Variants in UBE2R2 observed in about 807,000 individuals in gnomAD.
UBE2R2 encodes the protein ubiquitin conjugating enzyme E2 R2.
Under a neutral mutation model 27.8 loss-of-function variants are expected in UBE2R2, and 1 was observed. That is an observed-to-expected ratio of 0.04 (90% CI 0.01 to 0.17). The LOEUF (loss-of-function observed/expected upper bound fraction) is 0.17. Ranked by LOEUF, UBE2R2 falls within the 10% of genes least tolerant of loss-of-function variation. UBE2R2 has a pLI of 1.00. For synonymous variants in UBE2R2, 106 were observed against 113.3 expected (o/e 0.94, Z 0.41); for missense variants, 100 against 291.0 (o/e 0.34, Z 4.78).
rs577788313 is a variant in UBE2R2 at position 33,863,788 on chromosome 9, A to G, written c.178-23093A>G. Among the ~76,000 whole-genome samples, 5 of 152,110 alleles carry G rather than the reference A, an allele frequency of 3.3e-5. No individual in the cohort carries two copies. In the East Asian group the frequency reaches 7.8e-4, roughly 24 times the overall value. ...CTGCATCCTCCGCCTCTCGGATTCA[A>G]TGGATTCTCCTGCCTCAGCCTCCTG... is the stretch of plus-strand genomic sequence containing the variant. On this transcript the variant is annotated intron_variant, in intron 1 of 4. Coordinates refer to ENST00000263228, the MANE Select transcript of UBE2R2 (RefSeq NM_017811.4).
chr9:33,863,533 A>C lies in UBE2R2; in HGVS notation c.178-23348A>C, dbSNP rs139370091. 2.5e-3 allele frequency among the ~76,000 whole-genome samples: 386 copies of C among 152,240 alleles called. 3 individuals are homozygous for C. Among genetic ancestry groups the C allele is most frequent in the East Asian group, 0.023 (120 of 5,176 alleles). On this transcript the variant is annotated intron_variant, in intron 1 of 4. Coordinates refer to ENST00000263228, the MANE Select transcript of UBE2R2 (RefSeq NM_017811.4). ...GAAACTCCATCTCCAAAAAACAAAA[A>C]AAAAAAAAGTGCATGGTAGATTTAG...
At chr9:33,832,515 C>A (rs951814967) in intron 1 of UBE2R2, among the ~76,000 whole-genome samples, 20 of 151,538 alleles carry the variant, frequency 1.3e-4, no homozygotes, top group Admixed American at 1.3e-3. Flanking sequence ...AAATTAGCTG[C>A]GCTTCGCGGC....
intron 1 of UBE2R2, among the ~76,000 whole-genome samples, chr9:33,859,797 T>TGA (rs1250357067): frequency 4.0e-4 from 31 of 78,404 alleles, no homozygotes; most frequent in African/African-American, 1.3e-3. Context: ...TGTGTGTGTG[T>TGA]GTGAGAGAGA....
At position 33,893,943 on chromosome 9, in the gene UBE2R2, CTTCT is replaced by C. The variant is rs1359674037; in HGVS notation, c.265-6228_265-6225del. Among the ~76,000 whole-genome samples, 4 of 151,834 alleles carry C rather than the reference CTTCT, an allele frequency of 2.6e-5. No homozygotes were observed. In the East Asian group the frequency reaches 5.8e-4, roughly 22 times the overall value. On this transcript the variant is annotated intron_variant, in intron 2 of 4. Coordinates refer to ENST00000263228, the MANE Select transcript of UBE2R2 (RefSeq NM_017811.4). ...ACTGTGCCCAGCTGACTTTTTCTTCCTTCTTTTTTCTTTTTTTTTAAACCCATTT... is the reference window on the plus strand; with the variant it reads ...ACTGTGCCCAGCTGACTTTTTCTTCCTTTTTCTTTTTTTTTAAACCCATTT...
At chr9:33,916,893 C>T in intron 4 of UBE2R2, 125 bp from the exon 5 acceptor site, 5 of 1,413,938 alleles carry the variant, frequency 3.5e-6, no homozygotes, top group Non-Finnish European at 4.7e-6. Flanking sequence ...CTGTCAGATG[C>T]TTTCAGGCAG....
intron 1 of UBE2R2, among the ~76,000 whole-genome samples, chr9:33,866,958 G>A (rs73645562): frequency 1.7e-3 from 265 of 152,136 alleles, no homozygotes; most frequent in African/African-American, 3.2e-3. Flanking sequence ...GAAGTTCTTG[G>A]TTTTAATAAA....
intron 1 of UBE2R2, among the ~76,000 whole-genome samples, chr9:33,869,035 G>C (rs1208502918): frequency 6.6e-6 from 1 of 152,110 alleles, no homozygotes; most frequent in East Asian, 1.9e-4. Flanking sequence ...TGGGAGACTG[G>C]GGTGGGTGGA....
chr9:33,846,862 A>C (rs1820856818), intron 1 of UBE2R2, among the ~76,000 whole-genome samples: 1 of 152,014 alleles, frequency 6.6e-6, no homozygotes, highest in African/African-American at 2.4e-5. Context: ...AGTGTTTCTC[A>C]TTTCTTCCTG....
At chr9:33,908,171 A>G (rs950765150) in intron 3 of UBE2R2, among the ~76,000 whole-genome samples, 1 of 152,164 alleles carries the variant, frequency 6.6e-6, no homozygotes, top group Non-Finnish European at 1.5e-5. Context: ...TTCCAACAGT[A>G]TTATCTCAGC....
At chr9:33,883,997 C>T (rs1443729037) in intron 1 of UBE2R2, among the ~76,000 whole-genome samples, 1 of 151,660 alleles carries the variant, frequency 6.6e-6, no homozygotes, top group Non-Finnish European at 1.5e-5. Context: ...AACCTCCAGC[C>T]CCACAAAAAA....
At chr9:33,886,673 A>T (rs1006102821) in intron 1 of UBE2R2, among the ~76,000 whole-genome samples, 1 of 149,740 alleles carries the variant, frequency 6.7e-6, no homozygotes, top group African/African-American at 2.4e-5. Context: ...AAAAAAAAAA[A>T]GGCTTTTATA....
At chr9:33,840,066 C>G (rs1820699648) in intron 1 of UBE2R2, among the ~76,000 whole-genome samples, 1 of 152,070 alleles carries the variant, frequency 6.6e-6, no homozygotes, top group African/African-American at 2.4e-5. Context: ...CTTGAATGAA[C>G]TAAGTAGGTA....
At chr9:33,883,732 GAAAT>G (rs1477969052) in intron 1 of UBE2R2, among the ~76,000 whole-genome samples, 1,981 of 134,998 alleles carry the variant, frequency 0.015, 40 homozygotes, top group African/African-American at 0.051. Context: ...AAAAAAAAAA[GAAAT>G]AAAAAAGAAT....
chr9:33,825,111 T>C (rs190678026), intron 1 of UBE2R2, among the ~76,000 whole-genome samples: 1 of 152,186 alleles, frequency 6.6e-6, no homozygotes, highest in East Asian at 1.9e-4. Flanking sequence ...TCCTTAAAGA[T>C]AGTAAGTGAA....
At chr9:33,880,026 CAG>C (rs1206558102) in intron 1 of UBE2R2, among the ~76,000 whole-genome samples, 1 of 151,592 alleles carries the variant, frequency 6.6e-6, no homozygotes, top group Non-Finnish European at 1.5e-5. Context: ...GCTGGGACCT[CAG>C]GGGTGCACCA....
At position 33,836,069 on chromosome 9, in the gene UBE2R2, C is replaced by T. The variant is rs953846438; in HGVS notation, c.177+18135C>T. 3.3e-5 allele frequency among the ~76,000 whole-genome samples: 5 copies of T among 152,022 alleles called. No homozygotes were observed. The South Asian group carries it at 6.2e-4, about 19-fold the overall frequency. ...TGTTATCCCAGCACTTTCGGGAGGGCGAGGCAGATGGATCACCTGAGGTCA... is the reference window on the plus strand; with the variant it reads ...TGTTATCCCAGCACTTTCGGGAGGGTGAGGCAGATGGATCACCTGAGGTCA... On this transcript the variant is annotated intron_variant, in intron 1 of 4. Coordinates refer to ENST00000263228, the MANE Select transcript of UBE2R2 (RefSeq NM_017811.4).
At chr9:33,902,676 T>G (rs1192621337) in intron 3 of UBE2R2, among the ~76,000 whole-genome samples, 1 of 152,246 alleles carries the variant, frequency 6.6e-6, no homozygotes, top group Non-Finnish European at 1.5e-5. Context: ...AATAATTGTT[T>G]TGAGCTGTTT....
At chr9:33,836,861 T>G (rs1366738579) in intron 1 of UBE2R2, among the ~76,000 whole-genome samples, 2 of 152,076 alleles carry the variant, frequency 1.3e-5, no homozygotes, top group African/African-American at 2.4e-5. Flanking sequence ...CTTGGCTGGG[T>G]ATAGAATTCT....
intron 1 of UBE2R2, among the ~76,000 whole-genome samples, chr9:33,857,214 T>C (rs1368989316): frequency 6.9e-6 from 1 of 145,740 alleles, no homozygotes; most frequent in Non-Finnish European, 1.5e-5. Flanking sequence ...GTTTATATGC[T>C]TTTTTTTTTA....
Sources: allele counts gnomAD v4.1 joint callset (sites outside exome capture counted in the v4.1 genomes callset), GRCh38; gene constraint gnomAD v4.1.1; transcripts MANE v1.5; gene names NCBI Gene and HGNC (gene_info 2026-07-23, HGNC 2026-07-21).